The following CSMD1 variants were observed in gnomAD, a reference collection of about 807,000 sequenced individuals.
The protein encoded by CSMD1 is CUB and Sushi multiple domains 1, also known as CUB and sushi domain-containing protein 1.
A neutral mutation model predicts 417.5 loss-of-function variants in CSMD1; 213 were observed. That is an observed-to-expected ratio of 0.51 (90% CI 0.46 to 0.57). The LOEUF is 0.57. CSMD1 is among the 20% of genes least tolerant of loss of function. The probability of loss-of-function intolerance (pLI) is 0.00; values close to 1 mark genes in which losing one functional copy is unlikely to be tolerated. For synonymous variants in CSMD1, 2,862 were observed against 1,736.8 expected (o/e 1.65, Z -16.11); for missense variants, 6,923 against 4,529.7 (o/e 1.53, Z -15.17).
At chr8:4,589,378 G>C (rs1036465165) in intron 2 of CSMD1, among the ~76,000 whole-genome samples, 12 of 152,106 alleles carry the variant, frequency 7.9e-5, no homozygotes, top group African/African-American at 2.2e-4. Context: ...ACTCTTCTCA[G>C]GGACTCTGAA....
At chr8:4,719,859 T>G (rs1206092128) in intron 1 of CSMD1, among the ~76,000 whole-genome samples, 1 of 152,182 alleles carries the variant, frequency 6.6e-6, no homozygotes, top group Non-Finnish European at 1.5e-5. Flanking sequence ...GTATAAAATA[T>G]GGGAAAGGAC....
intron 10 of CSMD1, among the ~76,000 whole-genome samples, chr8:3,564,914 G>A (rs963650957): frequency 6.6e-6 from 1 of 151,762 alleles, no homozygotes; most frequent in Non-Finnish European, 1.5e-5. Context: ...AGACAAATAT[G>A]TTGGAGAGTT....
intron 3 of CSMD1, among the ~76,000 whole-genome samples, chr8:4,256,777 T>G (rs1048589504): frequency 1.3e-5 from 2 of 152,256 alleles, no homozygotes; most frequent in East Asian, 3.9e-4. Context: ...CTCAAGCAGC[T>G]TGCAACAGGG....
intron 3 of CSMD1, among the ~76,000 whole-genome samples, chr8:4,380,807 C>A (rs1399433701): frequency 1.3e-5 from 2 of 152,098 alleles, no homozygotes; most frequent in Non-Finnish European, 2.9e-5. Context: ...ATCTTGGGAG[C>A]AAGGCACATT....
intron 3 of CSMD1, among the ~76,000 whole-genome samples, chr8:4,057,265 G>C (rs979199077): frequency 6.6e-6 from 1 of 152,238 alleles, no homozygotes; most frequent in East Asian, 1.9e-4. Context: ...GTTTTGATTT[G>C]CATTTCTCTG....
At chr8:3,898,416 A>G (rs374516923) in intron 5 of CSMD1, among the ~76,000 whole-genome samples, 2 of 152,224 alleles carry the variant, frequency 1.3e-5, no homozygotes, top group African/African-American at 4.8e-5. Context: ...GCCATTATAA[A>G]GTGTTAAAGT....
At chr8:4,411,598 G>A (rs370593819) in intron 3 of CSMD1, among the ~76,000 whole-genome samples, 17 of 152,072 alleles carry the variant, frequency 1.1e-4, no homozygotes, top group East Asian at 3.9e-4. Context: ...ACAGTTATAC[G>A]GAGAAAAATA....
At chr8:4,129,633 A>T (rs916167798) in intron 3 of CSMD1, among the ~76,000 whole-genome samples, 39 of 152,044 alleles carry the variant, frequency 2.6e-4, no homozygotes, top group African/African-American at 8.7e-4. Flanking sequence ...CCTCTCTGGA[A>T]ATTTGGTAGG....
intron 3 of CSMD1, among the ~76,000 whole-genome samples, chr8:4,285,386 G>A (rs753716285): frequency 6.6e-6 from 1 of 152,140 alleles, no homozygotes; most frequent in African/African-American, 2.4e-5. Flanking sequence ...AGAGGGAAAT[G>A]AATTTGTGGC....
chr8:3,559,424 G>A (rs967917838), intron 10 of CSMD1, among the ~76,000 whole-genome samples: 10 of 152,132 alleles, frequency 6.6e-5, no homozygotes, highest in African/African-American at 9.7e-5. Context: ...GGGAATATAC[G>A]CAACATATTG....
chr8:4,066,794 C>G (rs1393505369), intron 3 of CSMD1, among the ~76,000 whole-genome samples: 4 of 152,196 alleles, frequency 2.6e-5, no homozygotes, highest in African/African-American at 9.6e-5. Context: ...AATGCAAGCT[C>G]TGCCTGTGCT....
At chr8:3,448,321 AAGGGAGCAAGGGAGGGAGGGAGGG>A (rs1815438728) in intron 12 of CSMD1, among the ~76,000 whole-genome samples, 3 of 1,858 alleles carry the variant, frequency 1.6e-3, no homozygotes, top group African/African-American at 1.4e-3. Flanking sequence ...GGAAGGAAGG[AAGGGAGCAAGGGAGGGAGGGAGGG>A]AGGAAGGAAG....
intron 3 of CSMD1, among the ~76,000 whole-genome samples, chr8:4,212,387 G>C (rs1029772421): frequency 4.6e-5 from 7 of 152,152 alleles, no homozygotes; most frequent in East Asian, 3.9e-4. Context: ...ATCTCACTAA[G>C]ATGAAAGCCA....
At chr8:3,511,183 G>C (rs768345838) in intron 10 of CSMD1, among the ~76,000 whole-genome samples, 2 of 151,628 alleles carry the variant, frequency 1.3e-5, no homozygotes, top group Non-Finnish European at 2.9e-5. Context: ...TGAACAATGA[G>C]GACACAAGGG....
At chr8:3,118,087 C>T (rs749490939) in intron 42 of CSMD1, among the ~76,000 whole-genome samples, 3 of 152,306 alleles carry the variant, frequency 2.0e-5, no homozygotes, top group Admixed American at 6.5e-5. Flanking sequence ...CTGCTGACTT[C>T]GCGGAGATTT....
At chr8:3,640,448 C>G (rs1797251893) in intron 7 of CSMD1, among the ~76,000 whole-genome samples, 1 of 152,172 alleles carries the variant, frequency 6.6e-6, no homozygotes, top group South Asian at 2.1e-4. Flanking sequence ...TCCTCGGACT[C>G]CTTCCTCAAC....
intron 1 of CSMD1, among the ~76,000 whole-genome samples, chr8:4,760,793 C>G (rs1811988685): frequency 6.6e-6 from 1 of 152,068 alleles, no homozygotes; most frequent in Non-Finnish European, 1.5e-5. Flanking sequence ...CTGTCAAAAA[C>G]AAAAACACGC....
chr8:3,550,933 C>T (rs775586178), intron 10 of CSMD1, among the ~76,000 whole-genome samples: 3 of 152,184 alleles, frequency 2.0e-5, no homozygotes, highest in Admixed American at 2.0e-4. Flanking sequence ...TGTGTCTCTG[C>T]TTTTCTCTCA....
intron 3 of CSMD1, among the ~76,000 whole-genome samples, chr8:4,175,440 A>T (rs548142329): frequency 2.7e-5 from 4 of 150,320 alleles, no homozygotes; most frequent in African/African-American, 9.8e-5. Flanking sequence ...TAAGTAATTG[A>T]CATCTTTATT....
Sources: allele counts gnomAD v4.1 joint callset (sites outside exome capture counted in the v4.1 genomes callset), GRCh38; gene constraint gnomAD v4.1.1; transcripts MANE v1.5; gene names NCBI Gene and HGNC (gene_info 2026-07-23, HGNC 2026-07-21).